The following ANTXR2 variants were observed in gnomAD, a reference collection of about 807,000 sequenced individuals.
ANTXR2 encodes ANTXR cell adhesion molecule 2.
In ANTXR2, 44 loss-of-function variants were observed where a neutral mutation model predicts 73.7. The ratio of observed to expected loss-of-function variants is 0.60; its 90% confidence interval spans 0.47 to 0.77. ANTXR2 has a LOEUF of 0.77. Ranked by LOEUF, ANTXR2 falls within the 30% of genes least tolerant of loss-of-function variation. The pLI is 0.00. For missense variants in ANTXR2, 604 were observed against 592.5 expected (o/e 1.02, Z -0.20); for synonymous variants, 217 against 205.9 (o/e 1.05, Z -0.46).
At chr4:79,910,507 CAAA>C (rs144527286) in intron 16 of ANTXR2, among the ~76,000 whole-genome samples, 5 of 95,650 alleles carry the variant, frequency 5.2e-5, no homozygotes, top group Admixed American at 2.3e-4. Context: ...GACTCCGTCT[CAAA>C]AAAAAAAAAA....
chr4:79,973,322 G>C (rs1394836130), intron 16 of ANTXR2, among the ~76,000 whole-genome samples: 1 of 107,390 alleles, frequency 9.3e-6, no homozygotes, highest in Non-Finnish European at 2.0e-5. Flanking sequence ...GAAAAATGTA[G>C]GTTCAGGTTT....
At chr4:79,994,890 A>C (rs1051797795) in intron 12 of ANTXR2, among the ~76,000 whole-genome samples, 3 of 151,998 alleles carry the variant, frequency 2.0e-5, no homozygotes, top group Non-Finnish European at 4.4e-5. Context: ...CTCATTGTTA[A>C]AATGCCTCAG....
chr4:80,036,097 A>T, intron 7 of ANTXR2, 65 bp from the exon 8 acceptor site: 3 of 1,313,198 alleles, frequency 2.3e-6, no homozygotes, highest in Non-Finnish European at 3.1e-6. Flanking sequence ...GAAGTAAATT[A>T]TAAGATTAGT....
chr4:80,036,300 A>C (rs574112271), intron 7 of ANTXR2, among the ~76,000 whole-genome samples: 2 of 152,264 alleles, frequency 1.3e-5, no homozygotes, highest in African/African-American at 4.8e-5. Flanking sequence ...CATTGTCTCA[A>C]AGTCTGATAA....
intron 16 of ANTXR2, among the ~76,000 whole-genome samples, chr4:79,949,332 A>T (rs2109980314): frequency 6.6e-6 from 1 of 152,236 alleles, no homozygotes; most frequent in East Asian, 1.9e-4. Context: ...TTGAACACTA[A>T]ACAAGGATGG....
intron 16 of ANTXR2, among the ~76,000 whole-genome samples, chr4:79,909,314 T>C (rs1425568692): frequency 2.0e-5 from 3 of 152,278 alleles, no homozygotes; most frequent in South Asian, 4.1e-4. Context: ...GATATAGATA[T>C]AATGATTCTT....
intron 12 of ANTXR2, among the ~76,000 whole-genome samples, chr4:79,998,359 A>G (rs1370345036): frequency 6.6e-6 from 1 of 152,082 alleles, no homozygotes; most frequent in African/African-American, 2.4e-5. Context: ...CACTAAAGCA[A>G]GTGAACATTT....
intron 3 of ANTXR2, 86 bp from the exon 4 acceptor site, chr4:80,056,099 A>G: frequency 1.1e-6 from 1 of 877,784 alleles, no homozygotes; most frequent in Non-Finnish European, 1.7e-6. Flanking sequence ...CAGTATTGTA[A>G]CTAAGCTTTC....
intron 16 of ANTXR2, among the ~76,000 whole-genome samples, chr4:79,945,505 C>T (rs1035544973): frequency 1.3e-5 from 2 of 151,988 alleles, no homozygotes; most frequent in Non-Finnish European, 2.9e-5. Flanking sequence ...GTATCTAAAT[C>T]TCACAAAAAA....
rs566979535 is a variant in ANTXR2, at chr4:79,926,094, T to A, written c.1429-18627A>T. On this transcript the variant is annotated intron_variant, in intron 16 of 16. Transcript: ENST00000403729. ...TTCAAAATAATGGCTATGGCAAACT[T>A]TCTAGATAATTAAGTTTCTGCTGAA... Among the ~76,000 whole-genome samples, 10 of 152,260 alleles carry A rather than the reference T, an allele frequency of 6.6e-5. No homozygotes were observed. The South Asian group carries it at 1.9e-3, about 28-fold the overall frequency.
chr4:79,988,103 G>A (rs4613511), intron 12 of ANTXR2, among the ~76,000 whole-genome samples: 97,790 of 150,778 alleles, frequency 0.65, 34,315 homozygotes, highest in East Asian at 0.94. Context: ...AAATCTTCAC[G>A]TATCAATATT....
intron 12 of ANTXR2, among the ~76,000 whole-genome samples, chr4:79,989,915 TTCAA>T (rs777237051): frequency 3.9e-4 from 59 of 151,974 alleles, no homozygotes; most frequent in Non-Finnish European, 7.2e-4. Context: ...AGAAAAAACT[TTCAA>T]TAAAATTCCA....
chr4:80,055,687 T>G (rs1733964204), intron 4 of ANTXR2, among the ~76,000 whole-genome samples: 1 of 151,978 alleles, frequency 6.6e-6, no homozygotes, highest in African/African-American at 2.4e-5. Flanking sequence ...TAGCTGTGGC[T>G]GCTTAATCTT....
intron 11 of ANTXR2, among the ~76,000 whole-genome samples, chr4:80,013,774 A>G (rs1472152939): frequency 6.6e-6 from 1 of 152,188 alleles, no homozygotes; most frequent in Non-Finnish European, 1.5e-5. Context: ...TTTCATATCT[A>G]TGGAATGGTA....
chr4:80,046,960 T>G (rs1259320456), intron 7 of ANTXR2, among the ~76,000 whole-genome samples: 1 of 151,784 alleles, frequency 6.6e-6, no homozygotes, highest in Non-Finnish European at 1.5e-5. Flanking sequence ...ATTAACCATT[T>G]TCTGCACCTG....
chr4:80,003,942 T>C (rs1041016012), intron 12 of ANTXR2, among the ~76,000 whole-genome samples: 72 of 152,094 alleles, frequency 4.7e-4, no homozygotes, highest in Non-Finnish European at 8.5e-4. Context: ...TAAGTTTATG[T>C]AAAAACCTGT....
chr4:79,926,873 ATG>A (rs1456018482), intron 16 of ANTXR2, among the ~76,000 whole-genome samples: 1 of 152,062 alleles, frequency 6.6e-6, no homozygotes, highest in Admixed American at 6.6e-5. Flanking sequence ...TGGCATATAT[ATG>A]TGTGTATATA....
chr4:80,045,864 A>T (rs1733494427), intron 7 of ANTXR2, among the ~76,000 whole-genome samples: 1 of 151,748 alleles, frequency 6.6e-6, no homozygotes, highest in South Asian at 2.1e-4. Context: ...CCCCAGCCAA[A>T]TATATTTTTC....
At chr4:80,027,425 C>T (rs1732494353) in intron 10 of ANTXR2, among the ~76,000 whole-genome samples, 1 of 152,098 alleles carries the variant, frequency 6.6e-6, no homozygotes, top group Admixed American at 6.6e-5. Context: ...AATTCTGCCA[C>T]ACTGTTCATC....
Sources: allele counts gnomAD v4.1 joint callset (sites outside exome capture counted in the v4.1 genomes callset), GRCh38; gene constraint gnomAD v4.1.1; transcripts MANE v1.5; gene names NCBI Gene and HGNC (gene_info 2026-07-23, HGNC 2026-07-21).